Variants in IL17D observed in about 807,000 individuals in gnomAD.
IL17D encodes the protein interleukin 17D.
In IL17D, 10 loss-of-function variants were observed where a neutral mutation model predicts 5.7. The ratio of observed to expected loss-of-function variants is 1.75; its 90% CI spans 1.08 to 2.97. The LOEUF (loss-of-function observed/expected upper bound fraction) is 2.97. Ranked by LOEUF, IL17D falls within the 30% of genes most tolerant of loss-of-function variation. The probability of loss-of-function intolerance (pLI) is 0.00; values close to 1 mark genes in which losing one functional copy is unlikely to be tolerated. For synonymous variants in IL17D, 172 were observed against 141.7 expected, an observed-to-expected ratio of 1.21 and a Z score of -1.52; for missense variants, 354 against 292.7, an observed-to-expected ratio of 1.21 and a Z score of -1.53.
chr13:20,705,310 G>C (rs1378804820), intron 1 of IL17D, among the ~76,000 whole-genome samples: 26 of 151,916 alleles, frequency 1.7e-4, no homozygotes, highest in African/African-American at 5.8e-4. Context: ...CAAGGCGAGC[G>C]GGGGCGGTGG....
At chr13:20,721,373 A>T (rs761591783) in intron 1 of IL17D, among the ~76,000 whole-genome samples, 4 of 152,174 alleles carry the variant, frequency 2.6e-5, no homozygotes, top group Non-Finnish European at 5.9e-5. Flanking sequence ...CAGGCGGCAT[A>T]GATTTTATTT....
At position 20,708,977 on chromosome 13, in the gene IL17D, AAG is replaced by A. The variant is rs1423818058; in HGVS notation, c.290+4688_290+4689del. Among the ~76,000 whole-genome samples the A allele has an allele frequency of 4.3e-3, 612 of 141,332 alleles. 12 individuals carry two copies. Among genetic ancestry groups the A allele is most frequent in the South Asian group, 0.032 (144 of 4,496 alleles). 92.7% of individuals were successfully genotyped at this position (141,332 alleles called of 152,430 possible). ...CTCTGTCTCAAAAAAAAAAAAAAAAAAGAAAGAAAGAAAAGAAAAGGACCAGT... is the reference window on the plus strand; with the variant it reads ...CTCTGTCTCAAAAAAAAAAAAAAAAAAAAGAAAGAAAAGAAAAGGACCAGT... On this transcript the variant is annotated intron_variant, in intron 1 of 1. Transcript: ENST00000682841.
intron 1 of IL17D, among the ~76,000 whole-genome samples, chr13:20,711,454 C>G (rs2058636743): frequency 6.6e-6 from 1 of 152,114 alleles, no homozygotes; most frequent in Non-Finnish European, 1.5e-5. Flanking sequence ...CCCTCCTGAC[C>G]CAGTCACCTC....
chr13:20,701,806 T>C (rs1308853079), upstream of IL17D: 1 of 152,246 alleles, frequency 6.6e-6, no homozygotes, highest in Non-Finnish European at 1.5e-5. Context: ...CTCACAAATA[T>C]CAAATTTGTT....
chr13:20,719,535 T>A (rs1322930892), intron 1 of IL17D, among the ~76,000 whole-genome samples: 1 of 152,216 alleles, frequency 6.6e-6, no homozygotes, highest in East Asian at 1.9e-4. Context: ...TTCTGTATTG[T>A]CCCATAAATG....
intron 1 of IL17D, among the ~76,000 whole-genome samples, chr13:20,718,792 ACCTGCCCACGCTCACC>A (rs1446057255): frequency 1.5e-5 from 2 of 132,220 alleles, no homozygotes; most frequent in Non-Finnish European, 3.2e-5. Flanking sequence ...ACCCACACAC[ACCTGCCCACGCTCACC>A]CCTGCCCACA....
At chr13:20,705,616 G>A (rs1187775863) in intron 1 of IL17D, among the ~76,000 whole-genome samples, 1 of 152,190 alleles carries the variant, frequency 6.6e-6, no homozygotes, top group Admixed American at 6.5e-5. Flanking sequence ...AGGATAGATT[G>A]AGCCCGGGAG....
intron 1 of IL17D, among the ~76,000 whole-genome samples, chr13:20,717,732 TC>T (rs2058688309): frequency 6.6e-6 from 1 of 152,282 alleles, no homozygotes; most frequent in South Asian, 2.1e-4. Flanking sequence ...GCCTCTGATC[TC>T]CCATGGCCCA....
chr13:20,718,490 C>CG (rs1566521006), intron 1 of IL17D, among the ~76,000 whole-genome samples: 4 of 121,674 alleles, frequency 3.3e-5, no homozygotes, highest in South Asian at 5.7e-4. Context: ...ACACCTGCCC[C>CG]CACACACCTG....
chr13:20,703,366 C>G, upstream of IL17D: 2 of 986,012 alleles, frequency 2.0e-6, no homozygotes, highest in Non-Finnish European at 2.4e-6. Flanking sequence ...CTCCTGGAGG[C>G]GAAAGGTGCA....
chr13:20,704,183 G>A lies in IL17D; in HGVS notation c.182G>A (p.Gly61Glu), dbSNP rs2058568984. The A allele has an allele frequency of 3.6e-6, 5 of 1,372,726 alleles. No individual in the cohort carries two copies. Among genetic ancestry groups the A allele is most frequent in the East Asian group, 6.8e-5 (2 of 29,354 alleles). The allele number at this position is 1,372,726 out of a possible 1,614,324, so 85.0% of individuals were successfully genotyped here. The change falls in exon 1 of 2, where the codon GGG becomes GAG. Residue 61 changes from glycine (G) to glutamate (E), a missense_variant. Gly to Glu is a moderately conservative substitution (Grantham distance 98, BLOSUM62 -2). Coordinates refer to ENST00000682841, the MANE Select transcript of IL17D (RefSeq NM_001385224.1). The stretch of plus-strand genomic sequence containing the variant: ...GCCTTCCACCACACGCTGCAGCTGG[G>A]GCCGCGTGAGCAGGCGCGCAACGCG... ...LSAFHHTLQLGPREQARNASC... is the reference protein window; with the variant it reads ...LSAFHHTLQLEPREQARNASC...
chr13:20,711,936 C>G (rs899859934), intron 1 of IL17D, among the ~76,000 whole-genome samples: 1 of 152,246 alleles, frequency 6.6e-6, no homozygotes, highest in Non-Finnish European at 1.5e-5. Flanking sequence ...AGGATATCCC[C>G]TACTTACTAA....
chr13:20,711,963 C>T (rs1304558162), intron 1 of IL17D, among the ~76,000 whole-genome samples: 1 of 152,242 alleles, frequency 6.6e-6, no homozygotes, highest in Non-Finnish European at 1.5e-5. Context: ...CCAAGTTCAG[C>T]TTCCAGTTAC....
intron 1 of IL17D, among the ~76,000 whole-genome samples, chr13:20,708,463 A>G (rs1304370996): frequency 6.6e-6 from 1 of 152,246 alleles, no homozygotes; most frequent in Non-Finnish European, 1.5e-5. Context: ...AAAAAACCAC[A>G]AAAGCAGAGA....
intron 1 of IL17D, among the ~76,000 whole-genome samples, chr13:20,710,287 A>ACACT (rs2058623967): frequency 6.6e-6 from 1 of 152,040 alleles, no homozygotes; most frequent in Non-Finnish European, 1.5e-5. Context: ...GGTTTATTGA[A>ACACT]GTTTAAGATA....
At chr13:20,720,874 A>ACCCCCCCCCCCCCCCCCCCCCCCCCCCCC (rs67735251) in intron 1 of IL17D, among the ~76,000 whole-genome samples, 1 of 75,746 alleles carries the variant, frequency 1.3e-5, no homozygotes, top group African/African-American at 5.9e-5. Context: ...CTCCCTCCCA[A>ACCCCCCCCCCCCCCCCCCCCCCCCCCCCC]CCCCCCCCCC....
intron 1 of IL17D, among the ~76,000 whole-genome samples, chr13:20,708,890 G>C (rs2058611378): frequency 6.9e-6 from 1 of 144,328 alleles, no homozygotes; most frequent in African/African-American, 2.5e-5. Context: ...GGCACCAGGA[G>C]GCAGAGCTTG....
At chr13:20,704,339 G>A in intron 1 of IL17D, 48 bp downstream of exon 1, 3 of 1,056,752 alleles carry the variant, frequency 2.8e-6, no homozygotes, top group Non-Finnish European at 3.5e-6. Flanking sequence ...GGGGAGGGCA[G>A]GGCTGGGCGG....
chr13:20,704,056 C>T lies in IL17D; in HGVS notation c.55C>T (p.Pro19Ser). The T allele has an allele frequency of 9.4e-7, 1 of 1,069,180 alleles. No homozygotes were observed. Among genetic ancestry groups the T allele is most frequent in the East Asian group, 7.0e-5 (1 of 14,228 alleles). The allele number at this position is 1,069,180 out of a possible 1,614,324, so 66.2% of individuals were successfully genotyped here. A position where few individuals can be genotyped will look rare whatever the true frequency, so the allele number is the denominator to read the frequency against. ...ALPPSWAAGA[P>S]RAGRRPARPR... ...GCCGCCGAGCTGGGCCGCGGGCGCC[C>T]CGAGGGCGGGCAGGCGCCCCGCGCG... is the stretch of plus-strand genomic sequence containing the variant. The change falls in exon 1 of 2, where the codon CCG becomes TCG. Residue 19 changes from proline to serine, a missense_variant. Physicochemically the swap from Pro to Ser is moderately conservative, Grantham distance 74 (BLOSUM62 -1). Transcript: ENST00000682841.
Sources: gnomAD v4.1 joint callset for allele counts (sites outside exome capture counted in the v4.1 genomes callset) on GRCh38, gnomAD v4.1.1 for gene constraint, MANE v1.5 for transcripts, NCBI Gene and HGNC (gene_info 2026-07-23, HGNC 2026-07-21) for gene names.